Variants in GRID1 observed in about 807,000 individuals in gnomAD.
GRID1 encodes the protein glutamate ionotropic receptor delta type subunit 1, also known as glutamate receptor ionotropic, delta-1.
GRID1 carries 28 observed loss-of-function variants against 98.0 expected under a neutral mutation model. The observed-to-expected ratio is 0.29, with a 90% CI of 0.21 to 0.39. The LOEUF (loss-of-function observed/expected upper bound fraction) is 0.39, where lower values mean the gene tolerates loss of function less well. Among genes scored for constraint, GRID1 ranks in the 10% least tolerant of loss-of-function variants. The pLI is 1.00. For synonymous variants in GRID1, 553 were observed against 538.5 expected (o/e 1.03, Z -0.37); for missense variants, 1,111 against 1,340.5 (o/e 0.83, Z 2.67).
chr10:85,747,311 A>G (rs1436650520), intron 8 of GRID1, among the ~76,000 whole-genome samples: 1 of 152,142 alleles, frequency 6.6e-6, no homozygotes, highest in Non-Finnish European at 1.5e-5. Context: ...AGGAGAGAAG[A>G]AGGAATAAAA....
intron 4 of GRID1, among the ~76,000 whole-genome samples, chr10:85,995,910 G>A (rs1205534673): frequency 2.0e-5 from 3 of 152,228 alleles, no homozygotes; most frequent in Admixed American, 6.5e-5. Context: ...ACGTGGATAG[G>A]ATTCTAATCA....
rs537856008 is a variant in GRID1 at position 86,204,836 on chromosome 10, C to T, written c.520+1528G>A. On this transcript the variant is annotated intron_variant, in intron 3 of 15. Transcript: ENST00000327946. Reference sequence around the variant, plus strand: ...ATCCCTGGCAGTGTCCATGCCTCTCCACAGGGTTCAGCCTCAGAGCAGGCT... The same window carrying T: ...ATCCCTGGCAGTGTCCATGCCTCTCTACAGGGTTCAGCCTCAGAGCAGGCT... Among the ~76,000 whole-genome samples the T allele has an allele frequency of 4.6e-5, 7 of 152,296 alleles. No individual in the cohort carries two copies. In the East Asian group the frequency reaches 1.2e-3, roughly 25 times the overall value.
intron 12 of GRID1, among the ~76,000 whole-genome samples, chr10:85,682,698 G>T (rs1268294481): frequency 6.6e-6 from 1 of 152,176 alleles, no homozygotes; most frequent in East Asian, 1.9e-4. Flanking sequence ...GGAGATGGAG[G>T]CCTCAGACAC....
intron 2 of GRID1, among the ~76,000 whole-genome samples, chr10:86,311,601 GAA>G (rs10710300): frequency 7.9e-5 from 12 of 151,880 alleles, no homozygotes; most frequent in East Asian, 1.9e-4. Flanking sequence ...TGCCAGAGTG[GAA>G]AAAAAAAAAT....
At chr10:86,010,525 A>C (rs1291530783) in intron 4 of GRID1, among the ~76,000 whole-genome samples, 2 of 152,174 alleles carry the variant, frequency 1.3e-5, no homozygotes, top group African/African-American at 4.8e-5. Context: ...GAATATGGAA[A>C]GGAAGTAATG....
intron 2 of GRID1, among the ~76,000 whole-genome samples, chr10:86,276,527 G>A (rs1206436240): frequency 2.0e-5 from 3 of 150,696 alleles, no homozygotes; most frequent in Admixed American, 6.6e-5. Context: ...TTGGAGATGG[G>A]GGTCTCACTT....
rs116476135 is a variant in GRID1 at position 85,609,911 on chromosome 10, C to T, written c.2601+3496G>A. ...GCATCCATGGAGTTTGGTGCATTCA[C>T]CTGCATTGGGTAACTACATAATCGT... On this transcript the variant is annotated intron_variant, in intron 15 of 15. Coordinates refer to ENST00000327946, the MANE Select transcript of GRID1 (RefSeq NM_017551.3). Among the ~76,000 whole-genome samples the T allele has an allele frequency of 3.3e-3, 506 of 152,294 alleles. 3 individuals are homozygous for T. Among genetic ancestry groups the T allele is most frequent in the African/African-American group, 0.012 (489 of 41,542 alleles).
At position 85,723,046 on chromosome 10, in the gene GRID1, G is replaced by C; in HGVS notation, c.1954C>G (p.Leu652Val). The C allele has an allele frequency of 6.2e-7, 1 of 1,612,778 alleles. No homozygotes were observed. The highest frequency in any genetic ancestry group is 8.5e-7 in the Non-Finnish European group (1 of 1,179,398). The part of the protein sequence containing the change: ...LIVCSSYTAN[L>V]AAFLTVSRMD... ...CTGGACACTGTGAGGAAGGCAGCAA[G>C]GTTGGCTGTGTAGGAGGAGCACACA... The change falls in exon 12 of 16, where the codon CTT becomes GTT. Residue 652 changes from leucine to valine, a missense_variant. Leu to Val is a conservative substitution (Grantham distance 32, BLOSUM62 1). Around this residue, in one of 3 missense-constraint regions of GRID1, gnomAD observed 762 missense variants for 869.1 expected, o/e 0.88. Coordinates refer to ENST00000327946, the MANE Select transcript of GRID1 (RefSeq NM_017551.3).
At chr10:85,653,867 A>AGT (rs1840861002) in intron 12 of GRID1, among the ~76,000 whole-genome samples, 1 of 152,188 alleles carries the variant, frequency 6.6e-6, no homozygotes, top group Non-Finnish European at 1.5e-5. Flanking sequence ...CAGCTGCTAG[A>AGT]CCTTGGACTT....
Position 86,302,831 on chromosome 10 carries a change from C to T in GRID1, c.235+61110G>A, listed in dbSNP as rs544236825. On this transcript the variant is annotated intron_variant, in intron 2 of 15. Transcript: ENST00000327946. ...GTATTTCTTGAACCACCAGCAGCAG[C>T]GCCAATTGAGAGCTTGTTAGAAATG... Among the ~76,000 whole-genome samples the T allele has an allele frequency of 8.9e-4, 135 of 152,330 alleles. 1 individual carries two copies. In the Middle Eastern group the frequency reaches 0.01, roughly 12 times the overall value.
At chr10:86,321,554 T>C (rs953743431) in intron 2 of GRID1, among the ~76,000 whole-genome samples, 3 of 152,270 alleles carry the variant, frequency 2.0e-5, no homozygotes, top group South Asian at 4.1e-4. Context: ...TGGGTTCGGA[T>C]TGGAAATGGT....
chr10:85,761,525 T>A (rs117168357), intron 8 of GRID1, among the ~76,000 whole-genome samples: 1 of 152,264 alleles, frequency 6.6e-6, no homozygotes, highest in East Asian at 1.9e-4. Context: ...GTAACAGGCA[T>A]ACAAATTAGC....
chr10:85,635,412 T>C (rs111608971), intron 13 of GRID1, among the ~76,000 whole-genome samples: 2,718 of 151,756 alleles, frequency 0.018, 58 homozygotes, highest in African/African-American at 0.055. Flanking sequence ...GAGGACCCCC[T>C]GCCCTCCCCT....
At chr10:85,986,337 C>A (rs1300137535) in intron 4 of GRID1, among the ~76,000 whole-genome samples, 1 of 152,158 alleles carries the variant, frequency 6.6e-6, no homozygotes, top group Non-Finnish European at 1.5e-5. Context: ...AATGAGATGC[C>A]CTGGGAGAGC....
At chr10:86,200,532 A>T (rs987491935) in intron 3 of GRID1, among the ~76,000 whole-genome samples, 1 of 152,220 alleles carries the variant, frequency 6.6e-6, no homozygotes, top group Non-Finnish European at 1.5e-5. Context: ...CAGGTGGACA[A>T]TATCTGCCCT....
At position 85,652,542 on chromosome 10, in the gene GRID1, G is replaced by A. The variant is rs150600093; in HGVS notation, c.1998-5145C>T. ...ACGGGAGGGTGGGGATATCCATCCT[G>A]GTGACTTGAAACTTTCATAGCTACA... On this transcript the variant is annotated intron_variant, in intron 12 of 15. Transcript: ENST00000327946. 3.9e-4 allele frequency among the ~76,000 whole-genome samples: 60 copies of A among 152,250 alleles called. 1 individual carries two copies. In the East Asian group the frequency reaches 7.0e-3, roughly 18 times the overall value.
At chr10:85,685,933 GTAAC>G (rs1008829392) in intron 12 of GRID1, among the ~76,000 whole-genome samples, 34 of 151,476 alleles carry the variant, frequency 2.2e-4, no homozygotes, top group Middle Eastern at 3.4e-3. Context: ...CAATATAAAA[GTAAC>G]TAAAGAAAAA....
rs1842558340 is a variant in GRID1, at chr10:85,600,428, A to G, written c.*1845T>C. 6.6e-6 allele frequency: 1 copy of G among 152,210 alleles called. No homozygotes were observed. Among genetic ancestry groups the G allele is most frequent in the South Asian group, 2.1e-4 (1 of 4,824 alleles). 9.4% of individuals were successfully genotyped at this position (152,210 alleles called of 1,614,324 possible). A position where few individuals can be genotyped will look rare whatever the true frequency, so the allele number is the denominator to read the frequency against. ...TTCTTTACTGCTCAATCATGTCACT[A>G]GGGACTTTAGGAAAGAAATCAATCC... On this transcript the variant is annotated 3_prime_UTR_variant, in exon 16 of 16. Coordinates refer to ENST00000327946, the MANE Select transcript of GRID1 (RefSeq NM_017551.3).
intron 4 of GRID1, among the ~76,000 whole-genome samples, chr10:86,019,852 G>C (rs1185162966): frequency 6.6e-6 from 1 of 152,228 alleles, no homozygotes; most frequent in African/African-American, 2.4e-5. Context: ...AGGGTGGTTC[G>C]AGGAGCACAC....
Sources: gnomAD v4.1 joint callset for allele counts (sites outside exome capture counted in the v4.1 genomes callset) on GRCh38, gnomAD v4.1.1 for gene constraint, gnomAD v4.1.1 regional missense constraint, MANE v1.5 for transcripts, NCBI Gene and HGNC (gene_info 2026-07-23, HGNC 2026-07-21) for gene names.